CDK8: variants seen among roughly 807,000 people sequenced by gnomAD.
CDK8 encodes cyclin-dependent kinase 8.
In CDK8, 29 loss-of-function variants were observed where a neutral mutation model predicts 71.5. That is an observed-to-expected ratio of 0.41 (90% CI 0.30 to 0.55). The LOEUF is 0.55. Among genes scored for constraint, CDK8 ranks in the 20% least tolerant of loss-of-function variants. CDK8 has a pLI of 0.37. For missense variants in CDK8, 288 were observed against 572.6 expected (o/e 0.50, Z 5.07); for synonymous variants, 161 against 192.1 (o/e 0.84, Z 1.34).
chr13:26,270,312 C>T (rs1236490775), intron 1 of CDK8, among the ~76,000 whole-genome samples: 2 of 151,700 alleles, frequency 1.3e-5, no homozygotes, highest in African/African-American at 4.9e-5. Flanking sequence ...TCATTTGAAC[C>T]CAGGAGGTGG....
chr13:26,322,359 G>T (rs1874814851), intron 1 of CDK8, among the ~76,000 whole-genome samples: 1 of 152,092 alleles, frequency 6.6e-6, no homozygotes, highest in Non-Finnish European at 1.5e-5. Flanking sequence ...GAGATTCGCT[G>T]GCTGCTGATG....
chr13:26,304,124 G>A (rs539424796), intron 1 of CDK8, among the ~76,000 whole-genome samples: 2 of 151,856 alleles, frequency 1.3e-5, no homozygotes, highest in African/African-American at 2.4e-5. Context: ...AATTAGCCAG[G>A]TGTGGTGGTA....
chr13:26,304,849 A>G (rs1387928966), intron 1 of CDK8, among the ~76,000 whole-genome samples: 1 of 151,750 alleles, frequency 6.6e-6, no homozygotes, highest in Non-Finnish European at 1.5e-5. Context: ...TTATTATTTT[A>G]TAGAGATGAG....
At chr13:26,395,482 C>G (rs1253739430) in intron 7 of CDK8, among the ~76,000 whole-genome samples, 13 of 143,810 alleles carry the variant, frequency 9.0e-5, no homozygotes, top group Non-Finnish European at 1.6e-4. Flanking sequence ...AGCGAAACTC[C>G]GTCTCAAAAA....
chr13:26,367,908 T>A (rs1874467267), intron 4 of CDK8, among the ~76,000 whole-genome samples: 1 of 152,180 alleles, frequency 6.6e-6, no homozygotes, highest in South Asian at 2.1e-4. Flanking sequence ...ACTGTAGTGC[T>A]TATTTTCAAG....
intron 1 of CDK8, among the ~76,000 whole-genome samples, chr13:26,307,625 G>A (rs1281143693): frequency 6.6e-6 from 1 of 152,122 alleles, no homozygotes; most frequent in Non-Finnish European, 1.5e-5. Flanking sequence ...CAAGTTTGTG[G>A]TCATTTGTTA....
At chr13:26,306,314 C>T (rs1158307832) in intron 1 of CDK8, among the ~76,000 whole-genome samples, 1 of 152,138 alleles carries the variant, frequency 6.6e-6, no homozygotes, top group East Asian at 1.9e-4. Context: ...CTATCAGAAG[C>T]ATCATTGAGC....
In CDK8 at chr13:26,293,736, G is replaced by T. The variant is rs112897672; in HGVS notation, c.128+38967G>T. On this transcript the variant is annotated intron_variant, in intron 1 of 12. Coordinates refer to ENST00000381527, the MANE Select transcript of CDK8 (RefSeq NM_001260.3). ...TATATTTATGGTATCAACATGTTTT[G>T]AAATATGTATACATTATGGACTAGC... Among the ~76,000 whole-genome samples the T allele has an allele frequency of 8.9e-3, 1,350 of 151,894 alleles. 25 individuals are homozygous for T. The highest frequency in any genetic ancestry group is 0.03 in the African/African-American group (1,227 of 41,400).
intron 2 of CDK8, among the ~76,000 whole-genome samples, chr13:26,338,545 C>T (rs1459042543): frequency 1.3e-5 from 2 of 151,990 alleles, no homozygotes; most frequent in Non-Finnish European, 2.9e-5. Flanking sequence ...AGTAGAAAAT[C>T]AAGGAAAGTT....
intron 4 of CDK8, among the ~76,000 whole-genome samples, chr13:26,365,671 C>T (rs926900943): frequency 2.0e-5 from 3 of 152,064 alleles, no homozygotes; most frequent in African/African-American, 2.4e-5. Context: ...CCATTCATAA[C>T]GTAATTGATG....
At chr13:26,388,895 A>G (rs1875607211) in intron 6 of CDK8, among the ~76,000 whole-genome samples, 1 of 152,108 alleles carries the variant, frequency 6.6e-6, no homozygotes, top group South Asian at 2.1e-4. Context: ...GGTAACTACT[A>G]TGTTAGGAGG....
chr13:26,309,172 C>G (rs1028544818), intron 1 of CDK8, among the ~76,000 whole-genome samples: 3 of 143,254 alleles, frequency 2.1e-5, no homozygotes, highest in African/African-American at 7.9e-5. Context: ...CGGAGTCTTG[C>G]TCTTTCACCC....
chr13:26,384,235 C>T (rs1875364383), intron 5 of CDK8, among the ~76,000 whole-genome samples: 1 of 143,260 alleles, frequency 7.0e-6, no homozygotes, highest in Non-Finnish European at 1.6e-5. Flanking sequence ...TAATTATTTG[C>T]CAACTTTTGG....
At chr13:26,394,316 G>A (rs923483869) in intron 7 of CDK8, among the ~76,000 whole-genome samples, 1 of 152,170 alleles carries the variant, frequency 6.6e-6, no homozygotes, top group African/African-American at 2.4e-5. Flanking sequence ...ACATTCCCTT[G>A]TAAGGGTGTT....
chr13:26,394,224 G>C (rs1875883440), intron 7 of CDK8, among the ~76,000 whole-genome samples: 1 of 152,164 alleles, frequency 6.6e-6, no homozygotes, highest in Admixed American at 6.5e-5. Context: ...GTACTTAGTA[G>C]AAAGTGTTTC....
At chr13:26,280,419 C>T (rs767052462) in intron 1 of CDK8, among the ~76,000 whole-genome samples, 8 of 152,142 alleles carry the variant, frequency 5.3e-5, no homozygotes, top group Admixed American at 1.3e-4. Flanking sequence ...CACTGGCAAC[C>T]GGAGAGGTCC....
Position 26,379,830 on chromosome 13 carries a change from G to A in CDK8, c.457-2984G>A, listed in dbSNP as rs151070042. 4.5e-3 allele frequency among the ~76,000 whole-genome samples: 678 copies of A among 152,280 alleles called. 2 individuals are homozygous for A. The highest frequency in any genetic ancestry group is 6.5e-3 in the Non-Finnish European group (439 of 68,022). On this transcript the variant is annotated intron_variant, in intron 4 of 12. Transcript: ENST00000381527. ...ATTTGGGGTAGGGTAAAGGAGGGAT[G>A]GGTGGTAAAAGGGACTTTTAACTGT...
At chr13:26,318,591 G>C (rs1874621417) in intron 1 of CDK8, among the ~76,000 whole-genome samples, 1 of 152,080 alleles carries the variant, frequency 6.6e-6, no homozygotes, top group Admixed American at 6.5e-5. Context: ...CTATGACCAA[G>C]TTATTTTATT....
chr13:26,280,499 A>G (rs753589427), intron 1 of CDK8, among the ~76,000 whole-genome samples: 2 of 152,230 alleles, frequency 1.3e-5, no homozygotes, highest in African/African-American at 2.4e-5. Flanking sequence ...GTCTATGATT[A>G]AAGCCATTCC....
Sources: allele counts gnomAD v4.1 joint callset (sites outside exome capture counted in the v4.1 genomes callset), GRCh38; gene constraint gnomAD v4.1.1; transcripts MANE v1.5; gene names NCBI Gene and HGNC (gene_info 2026-07-23, HGNC 2026-07-21).